Variants in UGT2B28 observed in about 807,000 individuals in gnomAD.
The protein encoded by UGT2B28 is UDP-glucuronosyltransferase 2B28.
A neutral mutation model predicts 43.6 loss-of-function variants in UGT2B28; 45 were observed. The ratio of observed to expected loss-of-function variants is 1.03; its 90% CI spans 0.81 to 1.32. The LOEUF (loss-of-function observed/expected upper bound fraction) is 1.32, where lower values mean the gene tolerates loss of function less well. UGT2B28 is among the 40% of genes most tolerant of loss of function. UGT2B28 has a pLI of 0.00. For synonymous variants in UGT2B28, 204 were observed against 208.1 expected, an observed-to-expected ratio of 0.98 and a Z score of 0.17; for missense variants, 649 against 625.5, an observed-to-expected ratio of 1.04 and a Z score of -0.40.
Position 69,294,543 on chromosome 4 carries a change from G to C in UGT2B28, c.1324G>C (p.Val442Leu), listed in dbSNP as rs758261538. The change falls in exon 6 of 6, where the codon GTT (valine) becomes CTT (leucine). Residue 442 changes from valine (V) to leucine (L), a missense_variant. Physicochemically the swap from Val to Leu is conservative, Grantham distance 32. Coordinates refer to ENST00000335568, the MANE Select transcript of UGT2B28 (RefSeq NM_053039.2). Reference sequence around the variant, plus strand: ...TTTATCCTTCAGATATAAAGAGAATGTTATGAAATTATCAATAATTCAACA... The same window carrying C: ...TTTATCCTTCAGATATAAAGAGAATCTTATGAAATTATCAATAATTCAACA... ...VINDPSYKEN[V>L]MKLSIIQHDQ... 5 of 1,542,908 alleles carry C rather than the reference G, an allele frequency of 3.2e-6. No individual in the cohort carries two copies. The highest frequency in any genetic ancestry group is 4.4e-6 in the Non-Finnish European group (5 of 1,147,932).
intron 2 of UGT2B28, among the ~76,000 whole-genome samples, chr4:69,283,079 T>C (rs1232180361): frequency 7.1e-6 from 1 of 140,446 alleles, no homozygotes; most frequent in African/African-American, 2.8e-5. Context: ...TGAAAATGTT[T>C]TAAAAAACTA....
At chr4:69,287,075 G>T (rs1357469627) in intron 3 of UGT2B28, among the ~76,000 whole-genome samples, 192 bp downstream of exon 3, 1 of 138,166 alleles carries the variant, frequency 7.2e-6, no homozygotes, top group Non-Finnish European at 1.5e-5. Flanking sequence ...TGGCCCTGGG[G>T]GTGTTACTAC....
At position 69,280,699 on chromosome 4, in the gene UGT2B28, A is replaced by T. The variant is rs551549208; in HGVS notation, c.199A>T (p.Asn67Tyr). Residue 67 changes from asparagine (N) to tyrosine (Y), a missense_variant, in exon 1 of 6, where the codon AAT (asparagine) becomes TAT (tyrosine). Physicochemically the swap from Asn to Tyr is moderately radical, Grantham distance 143. Coordinates refer to ENST00000335568, the MANE Select transcript of UGT2B28 (RefSeq NM_053039.2). ...TTCAGCTTCCATTCTTTTTGATCCCAATGACGCATTCACTCTTAAACTCGA... is the reference window on the plus strand; with the variant it reads ...TTCAGCTTCCATTCTTTTTGATCCCTATGACGCATTCACTCTTAAACTCGA... ...ASSASILFDP[N>Y]DAFTLKLEVY... is the part of the protein sequence containing the mutation. 3.2e-6 allele frequency: 5 copies of T among 1,560,826 alleles called. 1 individual carries two copies. The East Asian group carries it at 1.1e-4, about 36-fold the overall frequency.
intron 2 of UGT2B28, among the ~76,000 whole-genome samples, chr4:69,283,574 G>A (rs1335385978): frequency 7.1e-6 from 1 of 140,160 alleles, no homozygotes; most frequent in African/African-American, 2.8e-5. Context: ...GCCTACATTT[G>A]CTAAAATAGT....
chr4:69,288,683 C>A (rs1275750965), intron 3 of UGT2B28, among the ~76,000 whole-genome samples: 1 of 139,072 alleles, frequency 7.2e-6, no homozygotes, highest in Non-Finnish European at 1.5e-5. Context: ...CTAATTGTTT[C>A]ATCACCCAGG....
chr4:69,281,195 G>A lies in UGT2B28; in HGVS notation c.695G>A (p.Trp232Ter), dbSNP rs1183593223. The A allele has an allele frequency of 1.4e-5, 21 of 1,534,782 alleles. 4 individuals are homozygous for A. Among genetic ancestry groups the A allele is most frequent in the South Asian group, 2.6e-5 (2 of 78,426 alleles). ...TTCCAAATGTGTGATATGAAGAAGT[G>A]GGATCAGTTTTACAGTGAAGTTTTA... ...FWFQMCDMKK[W>*]DQFYSEVLGR... Residue 232 changes from tryptophan to a stop codon, truncating the protein, a stop_gained, in exon 1 of 6, where the codon TGG becomes TAG. Coordinates refer to ENST00000335568, the MANE Select transcript of UGT2B28 (RefSeq NM_053039.2). LOFTEE classifies it high-confidence loss of function.
intron 3 of UGT2B28, 37 bp downstream of exon 3, chr4:69,286,920 G>A (rs758542423): frequency 7.8e-7 from 1 of 1,277,472 alleles, no homozygotes; most frequent in South Asian, 2.2e-5. Context: ...GAAAACTACT[G>A]AAAGAGGCTG....
At chr4:69,292,732 A>G (rs1323510029) in intron 5 of UGT2B28, among the ~76,000 whole-genome samples, 1 of 140,014 alleles carries the variant, frequency 7.1e-6, no homozygotes, top group African/African-American at 2.8e-5. Context: ...TTGAAGTGAT[A>G]TGTGGTGGGC....
rs753385456 is a variant in UGT2B28 at position 69,280,740 on chromosome 4, T to A, written c.240T>A (p.Ser80=). ...TTAAACTCGAAGTTTATCCTACATCTTTAACTAAAACTGAATTTGAGAATA... is the reference window on the plus strand; with the variant it reads ...TTAAACTCGAAGTTTATCCTACATCATTAACTAAAACTGAATTTGAGAATA... ...FTLKLEVYPT[S]LTKTEFENII... is the part of the protein sequence containing the mutation. Residue 80 remains serine (S), a synonymous_variant, in exon 1 of 6, where the codon TCT becomes TCA. Coordinates refer to ENST00000335568, the MANE Select transcript of UGT2B28 (RefSeq NM_053039.2). 1.9e-6 allele frequency: 3 copies of A among 1,562,492 alleles called. 1 individual carries two copies. The Admixed American group carries it at 5.3e-5, about 28-fold the overall frequency.
At position 69,288,151 on chromosome 4, in the gene UGT2B28, CAAA is replaced by C. The variant is rs33966513; in HGVS notation, c.1002+1280_1002+1282del. On this transcript the variant is annotated intron_variant, in intron 3 of 5. Transcript: ENST00000335568. ...TCCAACAGGCTCCTCATTTCTAGGCCAAAAAAAAAAAAAATCCAAAATTAACGA... is the reference window on the plus strand; with the variant it reads ...TCCAACAGGCTCCTCATTTCTAGGCCAAAAAAAAAAATCCAAAATTAACGA... Among the ~76,000 whole-genome samples, 5 of 124,128 alleles carry C rather than the reference CAAA, an allele frequency of 4.0e-5. 1 individual carries two copies. Among genetic ancestry groups the C allele is most frequent in the African/African-American group, 6.6e-5 (2 of 30,332 alleles). 81.4% of individuals were successfully genotyped at this position (124,128 alleles called of 152,430 possible).
chr4:69,288,094 G>A (rs1356316456), intron 3 of UGT2B28, among the ~76,000 whole-genome samples: 1 of 137,532 alleles, frequency 7.3e-6, no homozygotes, highest in Non-Finnish European at 1.5e-5. Context: ...ACAATTTTGA[G>A]TTTATTCAAC....
chr4:69,286,632 T>G, intron 2 of UGT2B28, 120 bp from the exon 3 acceptor site: 1 of 1,346,748 alleles, frequency 7.4e-7, no homozygotes, highest in Non-Finnish European at 9.8e-7. Context: ...TTAAAAAATA[T>G]TATTTACTCC....
chr4:69,290,915 A>G (rs1261727814), intron 5 of UGT2B28, 104 bp downstream of exon 5: 27 of 1,331,174 alleles, frequency 2.0e-5, no homozygotes, highest in Non-Finnish European at 4.0e-6. Flanking sequence ...ATCTTGAAAG[A>G]ATTTAAATGA....
At chr4:69,283,536 G>A (rs1272167753) in intron 2 of UGT2B28, among the ~76,000 whole-genome samples, 1 of 140,234 alleles carries the variant, frequency 7.1e-6, no homozygotes, top group African/African-American at 2.8e-5. Context: ...ATGGAAAAGT[G>A]GACTAGAAAG....
rs1560566077 is a variant in UGT2B28, at chr4:69,287,338, C to A, written c.1002+455C>A. On this transcript the variant is annotated intron_variant, in intron 3 of 5. Transcript: ENST00000335568. ...CATCTTTGTAGAAATACAAGGAAGA[C>A]TTATGATCATTTTCTTCAAAGCTGT... Among the ~76,000 whole-genome samples, 2 of 140,568 alleles carry A rather than the reference C, an allele frequency of 1.4e-5. 1 individual carries two copies. The highest frequency in any genetic ancestry group is 5.6e-5 in the African/African-American group (2 of 35,992). The allele number at this position is 140,568 out of a possible 152,430, so 92.2% of individuals were successfully genotyped here. A position where few individuals can be genotyped will look rare whatever the true frequency, so the allele number is the denominator to read the frequency against.
rs752735109 is a variant in UGT2B28, at chr4:69,294,537, G to C, written c.1318G>C (p.Glu440Gln). ...KTVINDPSYK[E>Q]NVMKLSIIQH... ...TTTATTTTTATCCTTCAGATATAAA[G>C]AGAATGTTATGAAATTATCAATAAT... Residue 440 changes from glutamate to glutamine, a missense_variant, in exon 6 of 6, where the codon GAG becomes CAG. Physicochemically the swap from Glu to Gln is conservative, Grantham distance 29. Coordinates refer to ENST00000335568, the MANE Select transcript of UGT2B28 (RefSeq NM_053039.2). The C allele has an allele frequency of 3.2e-6, 5 of 1,541,778 alleles. 1 individual carries two copies. The South Asian group carries it at 4.9e-5, about 15-fold the overall frequency.
chr4:69,287,572 G>A (rs1407633133), intron 3 of UGT2B28, among the ~76,000 whole-genome samples: 1 of 140,414 alleles, frequency 7.1e-6, no homozygotes, highest in Non-Finnish European at 1.5e-5. Flanking sequence ...GAAAGAGAAA[G>A]GATGGAGATG....
Position 69,287,731 on chromosome 4 carries a change from C to A in UGT2B28, c.1002+848C>A, listed in dbSNP as rs1475881381. ...AACAGAAGGAAGCCAGGCAGGGGAA[C>A]AGGTTTAGATGTCCCCTCCATAGAA... On this transcript the variant is annotated intron_variant, in intron 3 of 5. Coordinates refer to ENST00000335568, the MANE Select transcript of UGT2B28 (RefSeq NM_053039.2). Among the ~76,000 whole-genome samples the A allele has an allele frequency of 1.9e-4, 27 of 139,854 alleles. 7 individuals carry two copies. The highest frequency in any genetic ancestry group is 6.7e-4 in the African/African-American group (24 of 35,638). The allele number at this position is 139,854 out of a possible 152,430, so 91.7% of individuals were successfully genotyped here.
rs1723897506 is a variant in UGT2B28 at position 69,289,847 on chromosome 4, T to C, written c.1090+95T>C. ...AAACATGCTTATTGAATATTTATTA[T>C]AGGAAAACAAAAAGAACTTCTTTGT... On this transcript the variant is annotated intron_variant, in intron 4 of 5. Transcript: ENST00000335568. 4.2e-5 allele frequency: 54 copies of C among 1,274,484 alleles called. 11 individuals are homozygous for C. In the South Asian group the frequency reaches 6.8e-4, roughly 16 times the overall value. 78.9% of individuals were successfully genotyped at this position (1,274,484 alleles called of 1,614,324 possible).
Sources: allele counts gnomAD v4.1 joint callset (sites outside exome capture counted in the v4.1 genomes callset), GRCh38; gene constraint gnomAD v4.1.1; transcripts MANE v1.5; gene names NCBI Gene and HGNC (gene_info 2026-07-23, HGNC 2026-07-21).